The following RNF216 variants were observed in gnomAD, a reference collection of about 807,000 sequenced individuals.
RNF216 encodes the protein E3 ubiquitin-protein ligase RNF216.
A neutral mutation model predicts 110.8 loss-of-function variants in RNF216; 72 were observed. The ratio of observed to expected loss-of-function variants is 0.65; its 90% CI spans 0.54 to 0.79. The LOEUF (loss-of-function observed/expected upper bound fraction) is 0.79, where lower values mean the gene tolerates loss of function less well. RNF216 is among the 30% of genes least tolerant of loss of function. The pLI is 0.00. For missense variants in RNF216, 1,342 were observed against 1,141.2 expected, an observed-to-expected ratio of 1.18 and a Z score of -2.54; for synonymous variants, 495 against 407.5, an observed-to-expected ratio of 1.21 and a Z score of -2.59.
chr7:5,667,012 G>T (rs1789574110), intron 13 of RNF216, among the ~76,000 whole-genome samples: 1 of 151,960 alleles, frequency 6.6e-6, no homozygotes, highest in Admixed American at 6.6e-5. Context: ...TTGCTATGTT[G>T]CTCAGACTGG....
chr7:5,768,677 T>TC (rs1351326569), intron 1 of RNF216, among the ~76,000 whole-genome samples: 5 of 151,324 alleles, frequency 3.3e-5, no homozygotes, highest in Non-Finnish European at 7.4e-5. Context: ...TTTTTTTTTT[T>TC]TTGGGACAGA....
At chr7:5,713,358 C>G (rs1480248502) in intron 11 of RNF216, 2 of 154,426 alleles carry the variant, frequency 1.3e-5, no homozygotes, top group Non-Finnish European at 2.9e-5. Context: ...ATCTCCTGAA[C>G]AGCTGGACCA....
intron 11 of RNF216, 36 bp downstream of exon 11, chr7:5,715,017 G>A (rs769438089): frequency 8.2e-6 from 13 of 1,582,672 alleles, no homozygotes; most frequent in Non-Finnish European, 1.0e-5. Context: ...CCAGGAATGT[G>A]TCCTATATAC....
chr7:5,735,560 T>C (rs1471667014), intron 5 of RNF216, among the ~76,000 whole-genome samples: 1 of 152,148 alleles, frequency 6.6e-6, no homozygotes, highest in East Asian at 1.9e-4. Flanking sequence ...TAAAAGGAGA[T>C]TACACTCTAC....
chr7:5,716,669 C>T (rs768135535), intron 10 of RNF216, 47 bp downstream of exon 10: 8 of 1,436,564 alleles, frequency 5.6e-6, no homozygotes, highest in South Asian at 1.3e-5. Flanking sequence ...TAAGAGAAAA[C>T]AGCCCATGAA....
At chr7:5,623,820 C>T (rs1786540820) in intron 16 of RNF216, among the ~76,000 whole-genome samples, 1 of 152,150 alleles carries the variant, frequency 6.6e-6, no homozygotes, top group African/African-American at 2.4e-5. Flanking sequence ...CTCAAACCCA[C>T]CCCTTGGGAC....
chr7:5,686,806 T>C (rs1016609101), intron 13 of RNF216, among the ~76,000 whole-genome samples: 1 of 152,206 alleles, frequency 6.6e-6, no homozygotes, highest in Admixed American at 6.5e-5. Context: ...CGTGGAGAGA[T>C]GGCTTCAGGC....
chr7:5,705,737 C>A (rs1348540505), intron 13 of RNF216, among the ~76,000 whole-genome samples: 1 of 152,154 alleles, frequency 6.6e-6, no homozygotes, highest in African/African-American at 2.4e-5. Context: ...GGAGAAACCC[C>A]GCCTCTACAA....
chr7:5,707,020 T>A (rs1792335020), intron 13 of RNF216, among the ~76,000 whole-genome samples: 1 of 152,268 alleles, frequency 6.6e-6, no homozygotes, highest in African/African-American at 2.4e-5. Flanking sequence ...AGAGCACCAT[T>A]AATCAGAGAC....
At chr7:5,781,161 C>G (rs1272724119) in intron 1 of RNF216, among the ~76,000 whole-genome samples, 1 of 152,128 alleles carries the variant, frequency 6.6e-6, no homozygotes, top group Non-Finnish European at 1.5e-5. Context: ...CTCCTCCAGG[C>G]CGCGCTCGGG....
chr7:5,715,275 C>A (rs12539336), intron 10 of RNF216, 85 bp from the exon 11 acceptor site: 442,507 of 1,376,028 alleles, frequency 0.32, 75,838 homozygotes, highest in Admixed American at 0.41. Flanking sequence ...CTCTCTGCCA[C>A]CCCCCACACA....
intron 1 of RNF216, among the ~76,000 whole-genome samples, chr7:5,773,238 C>G (rs960263461): frequency 1.3e-5 from 2 of 151,644 alleles, no homozygotes; most frequent in African/African-American, 2.4e-5. Context: ...TTTTTTTCCC[C>G]AAATAAGATT....
At chr7:5,725,285 G>T in intron 8 of RNF216, 39 bp downstream of exon 8, 1 of 1,173,204 alleles carries the variant, frequency 8.5e-7, no homozygotes, top group Non-Finnish European at 1.3e-6. Flanking sequence ...AAGGTACAGT[G>T]TTGCAGCTAC....
chr7:5,767,039 A>G (rs1305307800), intron 1 of RNF216: 1 of 152,238 alleles, frequency 6.6e-6, no homozygotes, highest in Non-Finnish European at 1.5e-5. Flanking sequence ...AATCCTAACA[A>G]GAACCCTATA....
rs1795412005 is a variant in RNF216, at chr7:5,752,974, T to C, written c.73A>G (p.Ile25Val). ...GTGATGGGCCCATCTCGGAGATTGA[T>C]CCACTCTACAGGAAAGCAGAGAACA... ...NFHCHRGQEW[I>V]NLRDGPITIS... The change falls in exon 3 of 17, where the codon ATC becomes GTC. Residue 25 changes from isoleucine (I) to valine (V), a missense_variant. By Grantham distance (29) the Ile-to-Val change is conservative (BLOSUM62 3). Transcript: ENST00000389902. The C allele has an allele frequency of 1.2e-6, 2 of 1,610,684 alleles. No individual in the cohort carries two copies. Among genetic ancestry groups the C allele is most frequent in the Non-Finnish European group, 1.7e-6 (2 of 1,178,662 alleles).
intron 13 of RNF216, among the ~76,000 whole-genome samples, chr7:5,653,600 C>CAAAAAAAAAAAAAAAAA (rs34530431): frequency 5.9e-5 from 3 of 50,492 alleles, no homozygotes; most frequent in East Asian, 1.4e-3. Flanking sequence ...GACTCTGTCT[C>CAAAAAAAAAAAAAAAAA]AAAAAAAAAA....
At chr7:5,682,413 T>TTTC (rs1790718458) in intron 13 of RNF216, among the ~76,000 whole-genome samples, 1 of 135,832 alleles carries the variant, frequency 7.4e-6, no homozygotes, top group African/African-American at 2.9e-5. Flanking sequence ...ATTTTTTTTC[T>TTTC]TTTTTTTTTT....
chr7:5,713,955 G>A (rs1792881753), intron 11 of RNF216, among the ~76,000 whole-genome samples: 1 of 152,184 alleles, frequency 6.6e-6, no homozygotes, highest in Admixed American at 6.5e-5. Context: ...ATGGCCCAAT[G>A]CATTCTGCTT....
At chr7:5,734,755 C>T (rs554322597) in intron 5 of RNF216, among the ~76,000 whole-genome samples, 6 of 151,252 alleles carry the variant, frequency 4.0e-5, no homozygotes, top group East Asian at 1.9e-4. Context: ...ACCTGGGAGG[C>T]GAAGGTTGCA....
Sources: gnomAD v4.1 joint callset for allele counts (sites outside exome capture counted in the v4.1 genomes callset) on GRCh38, gnomAD v4.1.1 for gene constraint, MANE v1.5 for transcripts, NCBI Gene and HGNC (gene_info 2026-07-23, HGNC 2026-07-21) for gene names.